Variants in REV3L observed in about 807,000 individuals in gnomAD.
REV3L encodes REV3 like, DNA directed polymerase zeta catalytic subunit.
In REV3L, 69 loss-of-function variants were observed where a neutral mutation model predicts 299.4. The observed-to-expected ratio is 0.23, with a 90% CI of 0.19 to 0.28. REV3L has a LOEUF of 0.28. REV3L is among the 10% of genes least tolerant of loss of function. The pLI, the probability that REV3L is intolerant of heterozygous loss-of-function variation, is 1.00. For missense variants in REV3L, 3,128 were observed against 3,693.8 expected, an observed-to-expected ratio of 0.85 and a Z score of 3.97; for synonymous variants, 1,238 against 1,271.4, an observed-to-expected ratio of 0.97 and a Z score of 0.56.
intron 16 of REV3L, among the ~76,000 whole-genome samples, chr6:111,362,983 T>C (rs1212250406): frequency 6.6e-6 from 1 of 152,250 alleles, no homozygotes; most frequent in African/African-American, 2.4e-5. Flanking sequence ...CTCCAATTTC[T>C]ATCTTACTGC....
intron 21 of REV3L, 141 bp downstream of exon 21, chr6:111,343,784 C>A: frequency 4.0e-6 from 2 of 498,488 alleles, no homozygotes; most frequent in Non-Finnish European, 3.4e-6. Flanking sequence ...CCCGCCTCGG[C>A]CTCCCAATGT....
At chr6:111,344,065 C>T (rs1360346586) in intron 20 of REV3L, 22 bp from the exon 21 acceptor site, 1 of 1,492,186 alleles carries the variant, frequency 6.7e-7, no homozygotes, top group Non-Finnish European at 9.2e-7. Flanking sequence ...GGCAAGACAC[C>T]ATTATAATAA....
intron 1 of REV3L, among the ~76,000 whole-genome samples, chr6:111,428,226 T>C (rs1582954164): frequency 1.3e-5 from 2 of 152,214 alleles, no homozygotes; most frequent in East Asian, 3.9e-4. Context: ...AACCAGTGAC[T>C]GACCCTAAGA....
intron 22 of REV3L, among the ~76,000 whole-genome samples, chr6:111,333,755 C>T (rs990444158): frequency 1.3e-5 from 2 of 152,028 alleles, no homozygotes; most frequent in African/African-American, 4.8e-5. Context: ...GGATTATAGG[C>T]GTGAGCCACT....
intron 1 of REV3L, among the ~76,000 whole-genome samples, chr6:111,456,106 C>CT (rs1388033923): frequency 2.6e-5 from 4 of 152,134 alleles, no homozygotes; most frequent in Non-Finnish European, 5.9e-5. Context: ...GTAGTATACT[C>CT]TATGATGTTC....
chr6:111,419,548 T>C (rs1398965080), intron 1 of REV3L, among the ~76,000 whole-genome samples: 1 of 152,214 alleles, frequency 6.6e-6, no homozygotes, highest in Non-Finnish European at 1.5e-5. Context: ...ACCAGTCTAC[T>C]ACAACTCCCG....
chr6:111,374,014 T>C lies in REV3L; in HGVS notation c.4341A>G (p.Thr1447=), dbSNP rs777844996. Residue 1447 remains threonine, a synonymous_variant, in exon 13 of 32, where the codon ACA becomes ACG. Coordinates refer to ENST00000368802, the MANE Select transcript of REV3L (RefSeq NM_001372078.1). ...KHSETCSPGN[T]ASEESQMPNN... ...TAGGCATTTGGCTTTCCTCTGAAGCTGTATTTCCCGGAGAACAAGTTTCAC... is the reference window on the plus strand; with the variant it reads ...TAGGCATTTGGCTTTCCTCTGAAGCCGTATTTCCCGGAGAACAAGTTTCAC... 6.2e-7 allele frequency: 1 copy of C among 1,614,160 alleles called. No individual in the cohort carries two copies. The highest frequency in any genetic ancestry group is 8.5e-7 in the Non-Finnish European group (1 of 1,179,992).
rs1380710762 is a variant in REV3L at position 111,367,600 on chromosome 6, G to C, written c.6188C>G (p.Thr2063Arg). Residue 2063 changes from threonine to arginine, a missense_variant, in exon 14 of 32, where the codon ACA becomes AGA. Thr to Arg is a moderately conservative substitution (Grantham distance 71). This residue lies in a region of REV3L where 2,409 missense variants were observed against 2,611.8 expected (regional missense o/e 0.92). Transcript: ENST00000368802. Reference protein sequence around the residue: ...MDVSPCILPTTAHTKEDVDNS... With the variant: ...MDVSPCILPTRAHTKEDVDNS... Reference sequence around the variant, plus strand: ...ATCAACATCCTCCTTGGTATGTGCTGTAGTGGGGAGTATACATGGACTTAC... The same window carrying C: ...ATCAACATCCTCCTTGGTATGTGCTCTAGTGGGGAGTATACATGGACTTAC... 4 of 1,614,208 alleles carry C rather than the reference G, an allele frequency of 2.5e-6. No homozygotes were observed. Among genetic ancestry groups the C allele is most frequent in the Non-Finnish European group, 8.5e-7 (1 of 1,180,030 alleles).
intron 1 of REV3L, among the ~76,000 whole-genome samples, chr6:111,438,669 C>T (rs1043733749): frequency 6.6e-6 from 1 of 152,110 alleles, no homozygotes; most frequent in Non-Finnish European, 1.5e-5. Flanking sequence ...ATATCCCAAC[C>T]CGATATCCTA....
chr6:111,349,894 T>C (rs1431528118), intron 19 of REV3L, among the ~76,000 whole-genome samples: 1 of 152,222 alleles, frequency 6.6e-6, no homozygotes, highest in Non-Finnish European at 1.5e-5. Context: ...TGAATGCATA[T>C]GGAGAACTAG....
At chr6:111,307,196 T>C (rs1420621037) in intron 31 of REV3L, among the ~76,000 whole-genome samples, 165 bp downstream of exon 31, 1 of 152,246 alleles carries the variant, frequency 6.6e-6, no homozygotes, top group Non-Finnish European at 1.5e-5. Flanking sequence ...CAAACCATTA[T>C]TAATAGTTTA....
At chr6:111,304,139 T>C (rs1771989378) in intron 31 of REV3L, among the ~76,000 whole-genome samples, 1 of 148,742 alleles carries the variant, frequency 6.7e-6, no homozygotes, top group South Asian at 2.2e-4. Context: ...ATAATTTCAC[T>C]TATTTCTGAT....
chr6:111,307,008 A>G (rs1479179341), intron 31 of REV3L, among the ~76,000 whole-genome samples: 2 of 143,626 alleles, frequency 1.4e-5, no homozygotes, highest in Non-Finnish European at 1.6e-5. Context: ...ATTCCCTTTG[A>G]GAGTCACGTT....
At position 111,335,529 on chromosome 6, in the gene REV3L, G is replaced by C. The variant is rs1775815549; in HGVS notation, c.7620C>G (p.Thr2540=). Residue 2540 remains threonine, a synonymous_variant, in exon 22 of 32, where the codon ACC becomes ACG. Transcript: ENST00000368802. ...MLEQLDLIGK[T]SEMARLFGIQ... is the part of the protein sequence containing the mutation. ...TGCCAAAAAGTCTAGCCATCTCACTGGTTTTCCCAATCAGGTCCAGCTGTT... is the reference window on the plus strand; with the variant it reads ...TGCCAAAAAGTCTAGCCATCTCACTCGTTTTCCCAATCAGGTCCAGCTGTT... The C allele has an allele frequency of 3.7e-6, 6 of 1,613,370 alleles. No homozygotes were observed. Among genetic ancestry groups the C allele is most frequent in the Non-Finnish European group, 5.1e-6 (6 of 1,179,654 alleles).
intron 21 of REV3L, among the ~76,000 whole-genome samples, chr6:111,339,440 G>A (rs240955): frequency 0.67 from 102,195 of 151,932 alleles, 36,537 homozygotes; most frequent in Non-Finnish European, 0.81. Context: ...TTAAATTTCT[G>A]TCATCACAGC....
chr6:111,425,976 C>T (rs537647722), intron 1 of REV3L, among the ~76,000 whole-genome samples: 1 of 152,272 alleles, frequency 6.6e-6, no homozygotes, highest in African/African-American at 2.4e-5. Context: ...TGTCCCTCTT[C>T]CTGGTACACA....
At chr6:111,379,780 C>T (rs940937724) in intron 11 of REV3L, among the ~76,000 whole-genome samples, 2 of 152,088 alleles carry the variant, frequency 1.3e-5, no homozygotes. Context: ...TTAGGTTAAT[C>T]TTTTAAAATG....
chr6:111,418,458 T>C (rs986535896), intron 1 of REV3L, among the ~76,000 whole-genome samples: 4 of 152,192 alleles, frequency 2.6e-5, no homozygotes, highest in African/African-American at 9.7e-5. Flanking sequence ...AGAATTACCT[T>C]TCTATTTATA....
Position 111,373,722 on chromosome 6 carries a change from T to C in REV3L, c.4633A>G (p.Asn1545Asp). 6.2e-7 allele frequency: 1 copy of C among 1,613,934 alleles called. No homozygotes were observed. The highest frequency in any genetic ancestry group is 8.5e-7 in the Non-Finnish European group (1 of 1,179,956). The change falls in exon 13 of 32, where the codon AAT becomes GAT. Residue 1545 changes from asparagine (N) to aspartate (D), a missense_variant. Transcript: ENST00000368802. The stretch of plus-strand genomic sequence containing the variant: ...TTGGATAATGGGTCTTGTGTAGTAT[T>C]TGCATTTTGTGCTTTCTGCTGTCTT... ...QKRQQKAQNA[N>D]TTQDPLSNKH...
Sources: gnomAD v4.1 joint callset for allele counts (sites outside exome capture counted in the v4.1 genomes callset) on GRCh38, gnomAD v4.1.1 for gene constraint, gnomAD v4.1.1 regional missense constraint, MANE v1.5 for transcripts, NCBI Gene and HGNC (gene_info 2026-07-23, HGNC 2026-07-21) for gene names.